TBC1D19: variants seen among roughly 807,000 people sequenced by gnomAD.
TBC1D19 encodes the protein TBC1 domain family member 19.
A neutral mutation model predicts 89.0 loss-of-function variants in TBC1D19; 60 were observed. The ratio of observed to expected loss-of-function variants is 0.67; its 90% CI spans 0.55 to 0.84. The LOEUF (loss-of-function observed/expected upper bound fraction) is 0.84. Ranked by LOEUF, TBC1D19 falls within the 40% of genes least tolerant of loss-of-function variation. The pLI, the probability that TBC1D19 is intolerant of heterozygous loss-of-function variation, is 0.00. For synonymous variants in TBC1D19, 189 were observed against 199.7 expected, an observed-to-expected ratio of 0.95 and a Z score of 0.45; for missense variants, 500 against 610.8, an observed-to-expected ratio of 0.82 and a Z score of 1.91.
chr4:26,843,832 C>T, the TBC1D19 span, among the ~76,000 whole-genome samples: 3 of 152,062 alleles, frequency 2.0e-5, no homozygotes, highest in Non-Finnish European at 4.4e-5. Flanking sequence ...GAGCTTTTAC[C>T]CATGACAGAA....
chr4:26,670,333 A>C (rs1298466674), intron 9 of TBC1D19, among the ~76,000 whole-genome samples: 1 of 151,646 alleles, frequency 6.6e-6, no homozygotes, highest in South Asian at 2.1e-4. Context: ...TAGGACTACA[A>C]TAAACTAAAA....
At chr4:26,758,726 C>T (rs1419443913), downstream of TBC1D19, among the ~76,000 whole-genome samples, 1 of 152,110 alleles carries the variant, frequency 6.6e-6, no homozygotes, top group Non-Finnish European at 1.5e-5. Flanking sequence ...ACCAGTCTAC[C>T]TCTGGACTAT....
chr4:26,804,769 C>T, the TBC1D19 span, among the ~76,000 whole-genome samples: 1 of 152,194 alleles, frequency 6.6e-6, no homozygotes, highest in African/African-American at 2.4e-5. Flanking sequence ...ATAAATGGAG[C>T]TCTCCAATAA....
At chr4:26,625,754 A>C (rs1428963419) in intron 4 of TBC1D19, among the ~76,000 whole-genome samples, 2 of 152,102 alleles carry the variant, frequency 1.3e-5, no homozygotes, top group East Asian at 1.9e-4. Flanking sequence ...TTTTCTCATG[A>C]TTAGGCTGGG....
In TBC1D19 at chr4:26,651,829, G is replaced by T. The variant is rs185552448; in HGVS notation, c.481-7768G>T. ...AATTCTTCCAGTTTTTGTCCATTCA[G>T]TATGATATTGGCTGTGGGTTTGTCA... On this transcript the variant is annotated intron_variant, in intron 7 of 20. Transcript: ENST00000264866. Among the ~76,000 whole-genome samples the T allele has an allele frequency of 3.2e-3, 493 of 152,234 alleles. 6 individuals are homozygous for T. The highest frequency in any genetic ancestry group is 9.7e-4 in the Non-Finnish European group (66 of 68,024).
chr4:26,651,118 G>A (rs1168693092), intron 7 of TBC1D19, among the ~76,000 whole-genome samples: 5 of 152,146 alleles, frequency 3.3e-5, no homozygotes, highest in Admixed American at 6.6e-5. Flanking sequence ...GGTTACTGTA[G>A]CCTTGTAGTA....
At chr4:26,598,546 C>T (rs960051181) in intron 1 of TBC1D19, among the ~76,000 whole-genome samples, 2 of 152,180 alleles carry the variant, frequency 1.3e-5, no homozygotes, top group Non-Finnish European at 2.9e-5. Flanking sequence ...AGGCGCCCGC[C>T]ACCACGCCCA....
the TBC1D19 span, among the ~76,000 whole-genome samples, chr4:26,784,821 T>C: frequency 6.6e-6 from 1 of 152,196 alleles, no homozygotes; most frequent in Non-Finnish European, 1.5e-5. Context: ...TTGGGGAGCA[T>C]TGGCTAATAA....
At chr4:26,611,451 C>T (rs763400407) in intron 1 of TBC1D19, among the ~76,000 whole-genome samples, 4 of 151,606 alleles carry the variant, frequency 2.6e-5, no homozygotes, top group Non-Finnish European at 5.9e-5. Context: ...CAACATGTTC[C>T]TCTGCCCTTT....
the TBC1D19 span, among the ~76,000 whole-genome samples, chr4:26,802,371 C>T: frequency 1.5e-3 from 221 of 152,246 alleles, 2 homozygotes; most frequent in South Asian, 0.038. Context: ...GAGGCCGAGG[C>T]GGGCAGATAA....
chr4:26,687,020 TTTTG>T (rs531704478), intron 12 of TBC1D19, among the ~76,000 whole-genome samples: 44 of 152,230 alleles, frequency 2.9e-4, no homozygotes, highest in African/African-American at 7.2e-4. Flanking sequence ...TTGTCTTCTT[TTTTG>T]TTTGTTTGTT....
Position 26,673,906 on chromosome 4 carries a change from G to T in TBC1D19, c.816+18G>T. On this transcript the variant is annotated intron_variant, in intron 11 of 20. Transcript: ENST00000264866. ...AACCTGAGGTAAGAAGAAAAAAAGG[G>T]TGGGTCAGATTTTAGCTTTGGGGTA... 1 of 1,476,794 alleles carries T rather than the reference G, an allele frequency of 6.8e-7. No individual in the cohort carries two copies. 91.5% of individuals were successfully genotyped at this position (1,476,794 alleles called of 1,614,324 possible). A position where few individuals can be genotyped will look rare whatever the true frequency, so the allele number is the denominator to read the frequency against.
chr4:26,637,101 C>A (rs1323689106), intron 4 of TBC1D19, 110 bp from the exon 5 acceptor site: 2 of 740,112 alleles, frequency 2.7e-6, no homozygotes, highest in South Asian at 2.0e-5. Context: ...ATAAGGATAA[C>A]CAATCTCAAC....
chr4:26,842,340 C>CTTTTTTTTTTTTTTTTTTTTTTTTTT, the TBC1D19 span, among the ~76,000 whole-genome samples: 2 of 81,576 alleles, frequency 2.5e-5, no homozygotes, highest in Non-Finnish European at 4.6e-5. Context: ...CTTTTCTTTT[C>CTTTTTTTTTTTTTTTTTTTTTTTTTT]TTTTTTTTTT....
the TBC1D19 span, among the ~76,000 whole-genome samples, chr4:26,849,100 C>T: frequency 1.6e-3 from 249 of 152,132 alleles, 3 homozygotes; most frequent in East Asian, 0.028. Context: ...TACTTGAGCC[C>T]AGGAGGTTGA....
chr4:26,817,743 G>T, the TBC1D19 span, among the ~76,000 whole-genome samples: 1 of 151,858 alleles, frequency 6.6e-6, no homozygotes, highest in Non-Finnish European at 1.5e-5. Context: ...TGAGGTGGGC[G>T]GATCACCTGA....
intron 15 of TBC1D19, among the ~76,000 whole-genome samples, chr4:26,732,357 C>T (rs1022723813): frequency 2.0e-5 from 3 of 152,206 alleles, no homozygotes; most frequent in Admixed American, 6.5e-5. Flanking sequence ...CTCCTCCGCC[C>T]TAGCCTGGCC....
chr4:26,637,184 G>A, intron 4 of TBC1D19, 27 bp from the exon 5 acceptor site: 1 of 1,501,134 alleles, frequency 6.7e-7, no homozygotes, highest in South Asian at 1.2e-5. Context: ...TACTGGAAAA[G>A]ATAATTGATT....
chr4:26,644,831 AAG>A (rs1300908489), intron 7 of TBC1D19, among the ~76,000 whole-genome samples: 1 of 152,246 alleles, frequency 6.6e-6, no homozygotes, highest in Non-Finnish European at 1.5e-5. Flanking sequence ...AATTGCTACA[AAG>A]AGAATAAAAT....
Sources: allele counts gnomAD v4.1 joint callset (sites outside exome capture counted in the v4.1 genomes callset), GRCh38; gene constraint gnomAD v4.1.1; transcripts MANE v1.5; gene names NCBI Gene and HGNC (gene_info 2026-07-23, HGNC 2026-07-21).